The following FILIP1L variants were observed in gnomAD, a reference collection of about 807,000 sequenced individuals.
The protein encoded by FILIP1L is filamin A-interacting protein 1-like.
Under a neutral mutation model 96.6 loss-of-function variants are expected in FILIP1L, and 55 were observed. The observed-to-expected ratio is 0.57, with a 90% CI of 0.46 to 0.71. The LOEUF (loss-of-function observed/expected upper bound fraction) is 0.71. Among genes scored for constraint, FILIP1L ranks in the 30% least tolerant of loss-of-function variants. FILIP1L has a pLI of 0.00. For synonymous variants in FILIP1L, 467 were observed against 473.9 expected (o/e 0.99, Z 0.19); for missense variants, 1,304 against 1,321.2 (o/e 0.99, Z 0.20).
At chr3:100,077,783 G>A (rs1035638876) in intron 1 of FILIP1L, among the ~76,000 whole-genome samples, 1 of 152,064 alleles carries the variant, frequency 6.6e-6, no homozygotes, top group African/African-American at 2.4e-5. Context: ...GGCTGTGCAT[G>A]TCTGTGGTCC....
intron 1 of FILIP1L, among the ~76,000 whole-genome samples, chr3:100,036,977 A>G (rs1030359826): frequency 6.6e-6 from 1 of 152,226 alleles, no homozygotes. Context: ...CAAAAATGTT[A>G]GTATCCTGAA....
intron 5 of FILIP1L, among the ~76,000 whole-genome samples, chr3:99,839,521 A>G (rs533075698): frequency 2.6e-5 from 4 of 152,278 alleles, no homozygotes; most frequent in South Asian, 4.1e-4. Context: ...TATCTCTTCA[A>G]TTCTTGGGAT....
At chr3:100,022,650 A>G (rs923365673) in intron 1 of FILIP1L, among the ~76,000 whole-genome samples, 18 of 152,208 alleles carry the variant, frequency 1.2e-4, no homozygotes, top group African/African-American at 4.3e-4. Context: ...AGGGGAAAAG[A>G]AAGAGGGAGA....
chr3:99,880,396 G>T (rs1021954770), intron 4 of FILIP1L, among the ~76,000 whole-genome samples: 2 of 152,030 alleles, frequency 1.3e-5, no homozygotes, highest in African/African-American at 4.8e-5. Flanking sequence ...ATATATATAT[G>T]AACTGCAGGT....
intron 4 of FILIP1L, among the ~76,000 whole-genome samples, chr3:99,899,947 G>A (rs973049417): frequency 6.6e-6 from 1 of 152,176 alleles, no homozygotes; most frequent in African/African-American, 2.4e-5. Context: ...TTCCTAAGGT[G>A]CTAAATACGG....
intron 5 of FILIP1L, among the ~76,000 whole-genome samples, chr3:99,834,626 T>G (rs1015035074): frequency 9.2e-5 from 14 of 152,360 alleles, no homozygotes; most frequent in South Asian, 4.1e-4. Context: ...ATCTGTGAAC[T>G]TTTTTCCTTT....
intron 1 of FILIP1L, among the ~76,000 whole-genome samples, chr3:100,037,872 C>G (rs2065133608): frequency 6.6e-6 from 1 of 151,952 alleles, no homozygotes; most frequent in Non-Finnish European, 1.5e-5. Context: ...CTCACAATTA[C>G]CTGAGTAGCT....
intron 3 of FILIP1L, 68 bp downstream of exon 3, chr3:99,929,788 G>T: frequency 8.4e-7 from 1 of 1,193,038 alleles, no homozygotes; most frequent in Non-Finnish European, 1.2e-6. Context: ...AGGAGTTACA[G>T]ATCATGCTCA....
intron 1 of FILIP1L, among the ~76,000 whole-genome samples, chr3:100,014,646 A>ACATCC (rs1212149759): frequency 1.3e-5 from 2 of 151,938 alleles, no homozygotes; most frequent in Non-Finnish European, 2.9e-5. Flanking sequence ...TTCTTTTGAG[A>ACATCC]AATGTCTTTT....
chr3:100,035,099 A>G (rs540895414), intron 1 of FILIP1L, among the ~76,000 whole-genome samples: 3 of 152,296 alleles, frequency 2.0e-5, no homozygotes, highest in African/African-American at 7.2e-5. Context: ...ATAAATGTAT[A>G]TTCGAAATTG....
chr3:100,083,733 A>ATTTGTTTG (rs1269716936), intron 1 of FILIP1L, among the ~76,000 whole-genome samples: 38 of 152,122 alleles, frequency 2.5e-4, no homozygotes, highest in African/African-American at 9.2e-4. Context: ...TAACATCACC[A>ATTTGTTTG]TTTCTTTGTT....
At chr3:100,075,667 T>C (rs1264645514) in intron 1 of FILIP1L, 1 of 152,054 alleles carries the variant, frequency 6.6e-6, no homozygotes, top group Non-Finnish European at 1.5e-5. Flanking sequence ...GCAACATCTA[T>C]AATATAAATT....
rs571637827 is a variant in FILIP1L, at chr3:99,941,901, G to A, written c.-10-10871C>T. ...TTGATCAACAATGCAATAGCATGTTGCCTTGATAGCAGCTGGTTTGATTAT... is the reference window on the plus strand; with the variant it reads ...TTGATCAACAATGCAATAGCATGTTACCTTGATAGCAGCTGGTTTGATTAT... On this transcript the variant is annotated intron_variant, in intron 1 of 5. Transcript: ENST00000477258. Among the ~76,000 whole-genome samples, 374 of 152,316 alleles carry A rather than the reference G, an allele frequency of 2.5e-3. 4 individuals carry two copies. Among genetic ancestry groups the A allele is most frequent in the African/African-American group, 8.2e-3 (343 of 41,576 alleles).
Position 99,894,866 on chromosome 3 carries a change from A to C in FILIP1L, c.605+29364T>G, listed in dbSNP as rs983162838. On this transcript the variant is annotated intron_variant, in intron 4 of 5. Coordinates refer to ENST00000477258, the MANE Select transcript of FILIP1L (RefSeq NM_001387850.1). ...ACGGAGTAGAGAACAATATTCTTGC[A>C]AACGTATAGAGTTCAAGCTATATTT... Among the ~76,000 whole-genome samples, 13 of 152,230 alleles carry C rather than the reference A, an allele frequency of 8.5e-5. 1 individual carries two copies. The highest frequency in any genetic ancestry group is 1.3e-4 in the Admixed American group (2 of 15,288).
At chr3:99,956,666 A>G (rs1708328841) in intron 1 of FILIP1L, among the ~76,000 whole-genome samples, 1 of 152,216 alleles carries the variant, frequency 6.6e-6, no homozygotes, top group Non-Finnish European at 1.5e-5. Context: ...TAAGCTTTGG[A>G]TCATAAGCAT....
At chr3:99,932,873 G>A (rs1296454556) in intron 1 of FILIP1L, among the ~76,000 whole-genome samples, 2 of 152,154 alleles carry the variant, frequency 1.3e-5, no homozygotes, top group Non-Finnish European at 2.9e-5. Flanking sequence ...CTGGGTGACA[G>A]AGTAAGACTC....
At chr3:99,925,567 C>G (rs1321247396) in intron 3 of FILIP1L, among the ~76,000 whole-genome samples, 1 of 145,990 alleles carries the variant, frequency 6.8e-6, no homozygotes, top group Non-Finnish European at 1.5e-5. Flanking sequence ...TGGGACACTT[C>G]CAGCAGTAGT....
intron 1 of FILIP1L, among the ~76,000 whole-genome samples, chr3:100,005,756 T>C (rs1386618466): frequency 6.6e-6 from 1 of 151,856 alleles, no homozygotes; most frequent in Non-Finnish European, 1.5e-5. Flanking sequence ...TGAGGAAGAG[T>C]GTTGTGAATT....
Position 99,849,119 on chromosome 3 carries a change from TA to T in FILIP1L, c.2556del (p.Thr853LeufsTer14). The T allele has an allele frequency of 6.2e-7, 1 of 1,614,128 alleles. No homozygotes were observed. Among genetic ancestry groups the T allele is most frequent in the South Asian group, 1.1e-5 (1 of 91,078 alleles). On this transcript the variant is annotated frameshift_variant, in exon 5 of 6. Transcript: ENST00000477258. LOFTEE classifies it high-confidence loss of function. Reference sequence around the variant, plus strand: ...AGCTTTCTGTTAACAGGACATGGAGTAGACTGGCTGCATTTGAAGGACAGCA... The same window carrying T: ...AGCTTTCTGTTAACAGGACATGGAGTGACTGGCTGCATTTGAAGGACAGCA... The part of the protein sequence containing the change: ...GSVLSFKCSQ[S>X]TPCPVNRKLW...
Sources: allele counts gnomAD v4.1 joint callset (sites outside exome capture counted in the v4.1 genomes callset), GRCh38; gene constraint gnomAD v4.1.1; transcripts MANE v1.5; gene names NCBI Gene and HGNC (gene_info 2026-07-23, HGNC 2026-07-21).